The following USP31 variants were observed in gnomAD, a reference collection of about 807,000 sequenced individuals.
USP31 encodes the protein ubiquitin specific peptidase 31.
Under a neutral mutation model 119.4 loss-of-function variants are expected in USP31, and 44 were observed. The observed-to-expected ratio is 0.37, with a 90% CI of 0.29 to 0.47. The LOEUF is 0.47. Ranked by LOEUF, USP31 falls within the 20% of genes least tolerant of loss-of-function variation. USP31 has a pLI of 0.99. For synonymous variants in USP31, 749 were observed against 705.6 expected (o/e 1.06, Z -0.97); for missense variants, 1,643 against 1,730.2 (o/e 0.95, Z 0.89).
chr16:23,085,165 G>A (rs1901053554), intron 10 of USP31, among the ~76,000 whole-genome samples, 176 bp from the exon 11 acceptor site: 1 of 152,080 alleles, frequency 6.6e-6, no homozygotes, highest in Admixed American at 6.6e-5. Flanking sequence ...TTCTTGAAAA[G>A]TTCTCTGTAT....
chr16:23,117,978 G>A (rs1902551737), intron 1 of USP31, among the ~76,000 whole-genome samples: 1 of 152,028 alleles, frequency 6.6e-6, no homozygotes, highest in Non-Finnish European at 1.5e-5. Flanking sequence ...TAGTAGAGAT[G>A]GGGTTTCACC....
intron 5 of USP31, among the ~76,000 whole-genome samples, chr16:23,104,795 A>G (rs1055053084): frequency 9.9e-5 from 15 of 152,246 alleles, no homozygotes; most frequent in Admixed American, 9.8e-4. Flanking sequence ...TAAAATAATA[A>G]TAGTAAATTG....
In USP31 at chr16:23,069,199, T is replaced by A. The variant is rs1293428668; in HGVS notation, c.2906A>T (p.His969Leu). 1 of 1,614,096 alleles carries A rather than the reference T, an allele frequency of 6.2e-7. No individual in the cohort carries two copies. The highest frequency in any genetic ancestry group is 8.5e-7 in the Non-Finnish European group (1 of 1,180,042). The change falls in exon 16 of 16, where the codon CAT becomes CTT. Residue 969 changes from histidine to leucine, a missense_variant. His to Leu is a moderately conservative substitution (Grantham distance 99). This residue lies in a region of USP31 where 699 missense variants were observed against 650.9 expected (regional missense o/e 1.07). Coordinates refer to ENST00000219689, the MANE Select transcript of USP31 (RefSeq NM_020718.4). ...GGGCAGGCGGTCCCCTTGTGCTGAA[T>A]GTTTGCTCTGTGTATCTACGACACT... The part of the protein sequence containing the change: ...NSSVVDTQSK[H>L]SAQGDRLPPL...
At position 23,062,846 on chromosome 16, in the gene USP31, TTTATTC is replaced by T. The variant is rs919414112; in HGVS notation, c.*5194_*5199del. ...TTGATATCAGTATCTCTCAATTCTT[TTTATTC>T]TTATTTTTTCTGCTTCTCCTACACA... On this transcript the variant is annotated 3_prime_UTR_variant, in exon 16 of 16. Transcript: ENST00000219689. The T allele has an allele frequency of 6.6e-6, 1 of 152,578 alleles. No homozygotes were observed. Among genetic ancestry groups the T allele is most frequent in the African/African-American group, 2.4e-5 (1 of 41,424 alleles). 9.5% of individuals were successfully genotyped at this position (152,578 alleles called of 1,614,324 possible).
At chr16:23,113,028 CAA>C (rs576031019) in intron 1 of USP31, among the ~76,000 whole-genome samples, 1 of 134,148 alleles carries the variant, frequency 7.5e-6, no homozygotes, top group African/African-American at 2.8e-5. Flanking sequence ...AACTCCGTCC[CAA>C]AAAAAAAAAA....
At chr16:23,131,372 G>A (rs1222552139) in intron 1 of USP31, among the ~76,000 whole-genome samples, 10 of 152,056 alleles carry the variant, frequency 6.6e-5, no homozygotes, top group Admixed American at 5.9e-4. Context: ...CTGCCCTGGC[G>A]GTCTTGAACT....
intron 1 of USP31, among the ~76,000 whole-genome samples, chr16:23,121,860 G>C (rs935790421): frequency 6.6e-6 from 1 of 152,034 alleles, no homozygotes; most frequent in Non-Finnish European, 1.5e-5. Context: ...GAATTTCCTC[G>C]TTTTATATAG....
chr16:23,148,728 C>A lies in USP31; in HGVS notation c.543G>T (p.Gln181His). The change falls in exon 1 of 16, where the codon CAG becomes CAT. Residue 181 changes from glutamine to histidine, a missense_variant. By Grantham distance (24) the Gln-to-His change is conservative. Coordinates refer to ENST00000219689, the MANE Select transcript of USP31 (RefSeq NM_020718.4). ...GCTGCTCAGTGACCTCGCCCTGGCC[C>A]TGCGCGCCGCGGCCCGCAGGCTGCT... ...DPEQPAGRGAQGQGEVTEQLA... is the reference protein window; with the variant it reads ...DPEQPAGRGAHGQGEVTEQLA... 1.3e-6 allele frequency: 2 copies of A among 1,483,682 alleles called. No homozygotes were observed. Among genetic ancestry groups the A allele is most frequent in the Admixed American group, 2.5e-5 (1 of 39,436 alleles). The allele number at this position is 1,483,682 out of a possible 1,614,324, so 91.9% of individuals were successfully genotyped here.
At chr16:23,104,031 G>A (rs908737678) in intron 5 of USP31, among the ~76,000 whole-genome samples, 4 of 152,214 alleles carry the variant, frequency 2.6e-5, no homozygotes, top group African/African-American at 9.6e-5. Context: ...ACGCTGTCTA[G>A]TGAAAAAGCA....
intron 1 of USP31, among the ~76,000 whole-genome samples, chr16:23,140,025 C>T (rs1903308579): frequency 6.6e-6 from 1 of 152,092 alleles, no homozygotes; most frequent in Admixed American, 6.6e-5. Flanking sequence ...CACTTCATTC[C>T]TGTGATTGTT....
chr16:23,069,844 A>G (rs904774750), intron 15 of USP31, among the ~76,000 whole-genome samples: 1 of 152,210 alleles, frequency 6.6e-6, no homozygotes, highest in South Asian at 2.1e-4. Context: ...ATTCTAACAC[A>G]GCAAACTTCT....
At chr16:23,099,738 T>C (rs1596709344) in intron 6 of USP31, among the ~76,000 whole-genome samples, 1 of 152,118 alleles carries the variant, frequency 6.6e-6, no homozygotes, top group African/African-American at 2.4e-5. Flanking sequence ...TCAGGTAGTT[T>C]TGACCACCCA....
In USP31 at chr16:23,090,790, T is replaced by C. The variant is rs1901327763; in HGVS notation, c.1249A>G (p.Asn417Asp). The C allele has an allele frequency of 1.3e-6, 2 of 1,571,298 alleles. No individual in the cohort carries two copies. The highest frequency in any genetic ancestry group is 1.3e-5 in the African/African-American group (1 of 74,410). Residue 417 changes from asparagine to aspartate, a missense_variant, in exon 7 of 16, where the codon AAC becomes GAC. Transcript: ENST00000219689. The part of the protein sequence containing the change: ...ILSQRGIHLN[N>D]NLNHLKFGLD... ...CCAAATTTCAAGTGGTTTAGGTTGTTGTTTAAATGAATTCCTGAAACAGAA... is the reference window on the plus strand; with the variant it reads ...CCAAATTTCAAGTGGTTTAGGTTGTCGTTTAAATGAATTCCTGAAACAGAA...
chr16:23,068,420 A>G lies in USP31; in HGVS notation c.3685T>C (p.Phe1229Leu). 1 of 1,613,748 alleles carries G rather than the reference A, an allele frequency of 6.2e-7. No individual in the cohort carries two copies. ...TCCTTCTGTCTCAAGGCTGATTTGA[A>G]GAAGGACAGCCCCTTGTCCTCAGAC... is the stretch of plus-strand genomic sequence containing the variant. Reference protein sequence around the residue: ...SKSEDKGLSFFKSALRQKETR... With the variant: ...SKSEDKGLSFLKSALRQKETR... The change falls in exon 16 of 16, where the codon TTC (phenylalanine) becomes CTC (leucine). Residue 1229 changes from phenylalanine to leucine, a missense_variant. Phe to Leu is a conservative substitution (Grantham distance 22). Coordinates refer to ENST00000219689, the MANE Select transcript of USP31 (RefSeq NM_020718.4).
At chr16:23,082,581 G>A (rs767720439) in intron 11 of USP31, 24 bp from the exon 12 acceptor site, 17 of 1,613,310 alleles carry the variant, frequency 1.1e-5, no homozygotes, top group East Asian at 4.5e-5. Flanking sequence ...CATGACTCCC[G>A]TTAAGTGCCA....
chr16:23,069,448 T>C lies in USP31; in HGVS notation c.2657A>G (p.Asp886Gly), dbSNP rs1900255573. 1.9e-6 allele frequency: 3 copies of C among 1,614,138 alleles called. No individual in the cohort carries two copies. The highest frequency in any genetic ancestry group is 1.7e-6 in the Non-Finnish European group (2 of 1,180,012). The change falls in exon 16 of 16, where the codon GAT (aspartate) becomes GGT (glycine). Residue 886 changes from aspartate (D) to glycine (G), a missense_variant. This residue lies in a region of USP31 where 699 missense variants were observed against 650.9 expected (regional missense o/e 1.07). Transcript: ENST00000219689. ...RSNSPSRFSG[D>G]SPIHSSASTL... Reference sequence around the variant, plus strand: ...GGAAGCAGAGCTGTGAATTGGCGAATCCCCTGAAAATCGGGATGGAGAATT... The same window carrying C: ...GGAAGCAGAGCTGTGAATTGGCGAACCCCCTGAAAATCGGGATGGAGAATT...
intron 1 of USP31, among the ~76,000 whole-genome samples, chr16:23,142,927 C>A (rs1903393121): frequency 6.6e-6 from 1 of 152,154 alleles, no homozygotes; most frequent in Middle Eastern, 3.2e-3. Flanking sequence ...AAGAGCTTGA[C>A]ACTAACAAGA....
intron 1 of USP31, among the ~76,000 whole-genome samples, chr16:23,121,493 T>C (rs530160584): frequency 1.3e-5 from 2 of 152,228 alleles, no homozygotes. Context: ...TTCTAGTCAG[T>C]TCAGGCCTTG....
intron 1 of USP31, among the ~76,000 whole-genome samples, chr16:23,138,105 G>A (rs1903247777): frequency 6.6e-6 from 1 of 152,170 alleles, no homozygotes; most frequent in African/African-American, 2.4e-5. Flanking sequence ...TTGAAGCTCT[G>A]CCCCTGCAAA....
Sources: gnomAD v4.1 joint callset for allele counts (sites outside exome capture counted in the v4.1 genomes callset) on GRCh38, gnomAD v4.1.1 for gene constraint, gnomAD v4.1.1 regional missense constraint, MANE v1.5 for transcripts, NCBI Gene and HGNC (gene_info 2026-07-23, HGNC 2026-07-21) for gene names.